Variants in OPCML observed in about 807,000 individuals in gnomAD.
OPCML encodes opioid-binding protein/cell adhesion molecule.
A neutral mutation model predicts 37.8 loss-of-function variants in OPCML; 13 were observed. The ratio of observed to expected loss-of-function variants is 0.34; its 90% confidence interval spans 0.22 to 0.55. OPCML has a LOEUF of 0.55. Among genes scored for constraint, OPCML ranks in the 20% least tolerant of loss-of-function variants. The probability of loss-of-function intolerance (pLI) is 0.91; values close to 1 mark genes in which losing one functional copy is unlikely to be tolerated. For missense variants in OPCML, 341 were observed against 435.6 expected (o/e 0.78, Z 1.93); for synonymous variants, 176 against 168.8 (o/e 1.04, Z -0.33).
intron 1 of OPCML, among the ~76,000 whole-genome samples, chr11:133,285,412 C>T (rs1424076568): frequency 6.6e-6 from 1 of 152,182 alleles, no homozygotes; most frequent in Non-Finnish European, 1.5e-5. Context: ...GGGAGCCGGA[C>T]TGGAGGACAA....
chr11:132,516,029 G>A (rs1425359347), intron 4 of OPCML, among the ~76,000 whole-genome samples: 1 of 152,094 alleles, frequency 6.6e-6, no homozygotes, highest in African/African-American at 2.4e-5. Flanking sequence ...TCTTGGTAAA[G>A]GCAATGAGTT....
intron 2 of OPCML, among the ~76,000 whole-genome samples, chr11:132,935,874 G>A (rs1945351452): frequency 6.6e-6 from 1 of 152,198 alleles, no homozygotes; most frequent in South Asian, 2.1e-4. Flanking sequence ...TTCTTACCAA[G>A]AAGTGACCGG....
chr11:132,490,633 A>G (rs1292356657), intron 4 of OPCML, among the ~76,000 whole-genome samples: 1 of 152,006 alleles, frequency 6.6e-6, no homozygotes, highest in Non-Finnish European at 1.5e-5. Context: ...CCTGGCTAAC[A>G]CAGTGAAACC....
chr11:133,117,675 C>T (rs1949357522), intron 1 of OPCML: 2 of 547,112 alleles, frequency 3.7e-6, no homozygotes, highest in South Asian at 1.6e-4. Context: ...CCCTTGGGCT[C>T]AGAGTGACCA....
intron 1 of OPCML, among the ~76,000 whole-genome samples, chr11:133,394,086 GC>G (rs1477053462): frequency 6.6e-6 from 1 of 152,050 alleles, no homozygotes; most frequent in East Asian, 1.9e-4. Context: ...ACTTTCCTCT[GC>G]CCCATGCTTA....
rs879192876 is a variant in OPCML at position 132,419,982 on chromosome 11, C to T, written c.*211G>A. 2.1e-4 allele frequency: 115 copies of T among 537,384 alleles called. 2 individuals carry two copies. Among genetic ancestry groups the T allele is most frequent in the Middle Eastern group, 2.0e-3 (4 of 1,996 alleles). The allele number at this position is 537,384 out of a possible 1,614,324, so 33.3% of individuals were successfully genotyped here. A position where few individuals can be genotyped will look rare whatever the true frequency, so the allele number is the denominator to read the frequency against. ...CACACCAATGAATGATTATCCTACA[C>T]GTGGTAGAACCCTGCCCACCCCGCC... is the stretch of plus-strand genomic sequence containing the variant. On this transcript the variant is annotated 3_prime_UTR_variant, in exon 8 of 8. Transcript: ENST00000524381.
intron 2 of OPCML, among the ~76,000 whole-genome samples, chr11:132,926,863 A>G (rs1005039961): frequency 3.3e-5 from 5 of 152,100 alleles, no homozygotes; most frequent in Admixed American, 2.6e-4. Context: ...ATAAAATTAG[A>G]CTATGAAAAA....
intron 1 of OPCML, among the ~76,000 whole-genome samples, chr11:133,438,273 T>C (rs922382744): frequency 2.6e-5 from 4 of 152,114 alleles, no homozygotes; most frequent in African/African-American, 9.7e-5. Flanking sequence ...TTGTTAAAAA[T>C]ATAAGTGTAA....
intron 1 of OPCML, among the ~76,000 whole-genome samples, chr11:133,443,490 T>G (rs2136943824): frequency 6.6e-6 from 1 of 152,302 alleles, no homozygotes; most frequent in Middle Eastern, 3.4e-3. Flanking sequence ...GCTCCTATTC[T>G]CTCTTCCTTG....
chr11:132,460,924 G>C (rs901926320), intron 4 of OPCML, among the ~76,000 whole-genome samples: 2 of 152,158 alleles, frequency 1.3e-5, no homozygotes, highest in African/African-American at 4.8e-5. Flanking sequence ...GTGTGGACTA[G>C]CTCATTTCAT....
chr11:133,227,297 C>T (rs1454516059), intron 1 of OPCML, among the ~76,000 whole-genome samples: 1 of 152,186 alleles, frequency 6.6e-6, no homozygotes, highest in Non-Finnish European at 1.5e-5. Flanking sequence ...CATCTAAGCA[C>T]ATAAATCAGC....
At chr11:132,787,103 C>T (rs888570550) in intron 2 of OPCML, among the ~76,000 whole-genome samples, 9 of 152,168 alleles carry the variant, frequency 5.9e-5, no homozygotes, top group Non-Finnish European at 8.8e-5. Context: ...TTCATGTGTG[C>T]TGATGCTGCC....
intron 1 of OPCML, among the ~76,000 whole-genome samples, chr11:133,358,001 C>T (rs1592230218): frequency 6.6e-6 from 1 of 152,188 alleles, no homozygotes; most frequent in African/African-American, 2.4e-5. Context: ...ACCATAGACA[C>T]TCCAGTGCGA....
intron 2 of OPCML, among the ~76,000 whole-genome samples, chr11:132,900,929 A>C (rs1944038797): frequency 6.6e-6 from 1 of 152,172 alleles, no homozygotes; most frequent in Non-Finnish European, 1.5e-5. Flanking sequence ...GCAGTGACTC[A>C]TGCCTGTAAT....
chr11:132,450,711 A>G (rs1428168087), intron 4 of OPCML, among the ~76,000 whole-genome samples: 1 of 152,220 alleles, frequency 6.6e-6, no homozygotes, highest in Admixed American at 6.5e-5. Flanking sequence ...AATGCATGGC[A>G]GTAAAGAAAG....
chr11:133,051,391 G>T (rs1471855980), intron 1 of OPCML, among the ~76,000 whole-genome samples: 1 of 152,180 alleles, frequency 6.6e-6, no homozygotes, highest in Non-Finnish European at 1.5e-5. Context: ...AGCAGTTAGA[G>T]TCTGCACCCA....
intron 1 of OPCML, among the ~76,000 whole-genome samples, chr11:133,479,416 G>A (rs569795265): frequency 6.6e-6 from 1 of 152,344 alleles, no homozygotes; most frequent in Admixed American, 6.5e-5. Flanking sequence ...CTCAGCCTGA[G>A]TCATGACCAG....
intron 3 of OPCML, among the ~76,000 whole-genome samples, chr11:132,655,939 TA>T (rs572582149): frequency 0.048 from 5,061 of 106,420 alleles, 76 homozygotes; most frequent in African/African-American, 0.073. Context: ...TTTCACAAAC[TA>T]AAAAAAAAAA....
intron 1 of OPCML, among the ~76,000 whole-genome samples, chr11:133,248,130 T>C (rs1160919935): frequency 6.6e-6 from 1 of 152,112 alleles, no homozygotes; most frequent in Non-Finnish European, 1.5e-5. Context: ...TTTTATTCAG[T>C]GGATTATGAA....
Sources: gnomAD v4.1 joint callset for allele counts (sites outside exome capture counted in the v4.1 genomes callset) on GRCh38, gnomAD v4.1.1 for gene constraint, MANE v1.5 for transcripts, NCBI Gene and HGNC (gene_info 2026-07-23, HGNC 2026-07-21) for gene names.